The following SEL1L variants were observed in gnomAD, a reference collection of about 807,000 sequenced individuals.
SEL1L encodes the protein SEL1L adaptor subunit of SYVN1 ubiquitin ligase, also known as protein sel-1 homolog 1.
SEL1L carries 52 observed loss-of-function variants against 109.8 expected under a neutral mutation model. That is an observed-to-expected ratio of 0.47 (90% CI 0.38 to 0.60). The LOEUF is 0.60. Ranked by LOEUF, SEL1L falls within the 20% of genes least tolerant of loss-of-function variation. SEL1L has a pLI of 0.00. For synonymous variants in SEL1L, 373 were observed against 339.6 expected (o/e 1.10, Z -1.08); for missense variants, 749 against 962.2 (o/e 0.78, Z 2.93).
At chr14:81,524,276 C>T (rs1419497961) in intron 3 of SEL1L, among the ~76,000 whole-genome samples, 2 of 152,104 alleles carry the variant, frequency 1.3e-5, no homozygotes, top group Non-Finnish European at 2.9e-5. Flanking sequence ...AGGGTGATAC[C>T]ACCTGACCTC....
At chr14:81,488,544 T>C (rs1177488958) in intron 14 of SEL1L, among the ~76,000 whole-genome samples, 1 of 152,150 alleles carries the variant, frequency 6.6e-6, no homozygotes, top group Non-Finnish European at 1.5e-5. Context: ...TAAAAGCACA[T>C]ATTACTTGGA....
In SEL1L at chr14:81,480,856, C is replaced by T. The variant is rs139370839; in HGVS notation, c.2047-1116G>A. 3.5e-3 allele frequency among the ~76,000 whole-genome samples: 533 copies of T among 152,270 alleles called. 2 individuals are homozygous for T. Among genetic ancestry groups the T allele is most frequent in the Middle Eastern group, 0.01 (3 of 294 alleles). On this transcript the variant is annotated intron_variant, in intron 19 of 20. Coordinates refer to ENST00000336735, the MANE Select transcript of SEL1L (RefSeq NM_005065.6). The stretch of plus-strand genomic sequence containing the variant: ...TAGGCCTGTATGCACAGCAACGTTT[C>T]TCTGCTTCGCTTTGCTAAAGGAAGG...
chr14:81,532,551 G>A (rs1394664799), intron 1 of SEL1L, among the ~76,000 whole-genome samples: 1 of 152,196 alleles, frequency 6.6e-6, no homozygotes, highest in East Asian at 1.9e-4. Context: ...TGGCAGTAAA[G>A]TAATTAGCAT....
At chr14:81,490,213 C>T (rs1883484898) in intron 13 of SEL1L, among the ~76,000 whole-genome samples, 175 bp downstream of exon 13, 1 of 152,148 alleles carries the variant, frequency 6.6e-6, no homozygotes, top group Admixed American at 6.5e-5. Flanking sequence ...AAAAAAATTG[C>T]CTTTTATCGG....
In SEL1L at chr14:81,490,424, C is replaced by T. The variant is rs369149715; in HGVS notation, c.1296G>A (p.Glu432=). ...CTTTCTTAAAGTAGTGGAGAGCTGT[C>T]TCATTACTCTGAGGTACAATGTCAC... ...EGSDIVPQSN[E]TALHYFKKAA... Residue 432 remains glutamate (E), a synonymous_variant, in exon 13 of 21, where the codon GAG becomes GAA. Transcript: ENST00000336735. The T allele has an allele frequency of 1.2e-6, 2 of 1,613,920 alleles. No individual in the cohort carries two copies. The highest frequency in any genetic ancestry group is 1.7e-6 in the Non-Finnish European group (2 of 1,179,944).
rs1883685907 is a variant in SEL1L, at chr14:81,495,002, T to C, written c.1185+79A>G. Reference sequence around the variant, plus strand: ...AAATGACAGAAGTTTGATACTGGTATTGACTTAGCAAGAAATACATTGGGA... The same window carrying C: ...AAATGACAGAAGTTTGATACTGGTACTGACTTAGCAAGAAATACATTGGGA... On this transcript the variant is annotated intron_variant, in intron 11 of 20. Transcript: ENST00000336735. The C allele has an allele frequency of 2.2e-5, 30 of 1,393,954 alleles. No homozygotes were observed. In the South Asian group the frequency reaches 3.3e-4, roughly 16 times the overall value. The allele number at this position is 1,393,954 out of a possible 1,614,324, so 86.3% of individuals were successfully genotyped here.
chr14:81,483,562 T>C (rs899397915), intron 19 of SEL1L, among the ~76,000 whole-genome samples: 1 of 152,202 alleles, frequency 6.6e-6, no homozygotes, highest in Non-Finnish European at 1.5e-5. Context: ...GACCTAGCTT[T>C]CAATTAAAAA....
chr14:81,489,115 C>T, intron 14 of SEL1L, 137 bp downstream of exon 14: 1 of 754,918 alleles, frequency 1.3e-6, no homozygotes, highest in Non-Finnish European at 2.3e-6. Flanking sequence ...GAGACAAACT[C>T]AGACAACAGA....
chr14:81,508,955 T>C (rs879385936), intron 3 of SEL1L, among the ~76,000 whole-genome samples: 6 of 152,182 alleles, frequency 3.9e-5, no homozygotes, highest in Admixed American at 3.9e-4. Flanking sequence ...ACAAAAGGTT[T>C]TCATCTACTG....
At chr14:81,510,498 CTCTCTCTCTCTCTCTCTA>C (rs1382393876) in intron 3 of SEL1L, among the ~76,000 whole-genome samples, 30 of 125,628 alleles carry the variant, frequency 2.4e-4, no homozygotes, top group African/African-American at 7.6e-4. Flanking sequence ...CTCTCTCTCT[CTCTCTCTCTCTCTCTCTA>C]TATATATATA....
At chr14:81,516,099 G>A (rs1371716507) in intron 3 of SEL1L, among the ~76,000 whole-genome samples, 2 of 152,188 alleles carry the variant, frequency 1.3e-5, no homozygotes, top group African/African-American at 2.4e-5. Flanking sequence ...ATCACTGGAA[G>A]GTGCACTGCC....
intron 3 of SEL1L, 89 bp downstream of exon 3, chr14:81,526,644 C>G: frequency 1.1e-6 from 1 of 936,052 alleles, no homozygotes; most frequent in Non-Finnish European, 1.7e-6. Context: ...ATCAGTGAAG[C>G]CAGTCTTCTT....
intron 1 of SEL1L, 69 bp downstream of exon 1, chr14:81,533,606 G>A (rs1358748982): frequency 6.7e-7 from 1 of 1,488,226 alleles, no homozygotes; most frequent in Non-Finnish European, 9.2e-7. Flanking sequence ...GAGTCCCCAC[G>A]GCCCCGCCGG....
Position 81,472,492 on chromosome 14 carries a change from A to G in SEL1L, c.*4480T>C, listed in dbSNP as rs1903040368. On this transcript the variant is annotated 3_prime_UTR_variant, in exon 21 of 21. Transcript: ENST00000336735. ...TGTGTACATGTTCACTCTTGATTTAATATTTTTTCATTTCTCCTTTACTCA... is the reference window on the plus strand; with the variant it reads ...TGTGTACATGTTCACTCTTGATTTAGTATTTTTTCATTTCTCCTTTACTCA... 3 of 328,252 alleles carry G rather than the reference A, an allele frequency of 9.1e-6. No homozygotes were observed. The highest frequency in any genetic ancestry group is 4.5e-5 in the Admixed American group (1 of 22,264). 20.3% of individuals were successfully genotyped at this position (328,252 alleles called of 1,614,324 possible). A position where few individuals can be genotyped will look rare whatever the true frequency, so the allele number is the denominator to read the frequency against.
chr14:81,520,790 G>C (rs1884876452), intron 3 of SEL1L, among the ~76,000 whole-genome samples: 1 of 152,146 alleles, frequency 6.6e-6, no homozygotes, highest in Admixed American at 6.5e-5. Flanking sequence ...AAAAACCTGG[G>C]ATGTATGTAG....
At chr14:81,499,216 T>G (rs530948922) in intron 8 of SEL1L, 2 of 1,204,980 alleles carry the variant, frequency 1.7e-6, no homozygotes, top group African/African-American at 3.1e-5. Flanking sequence ...ATCAGATCTC[T>G]CTTTTTAGGG....
At chr14:81,513,196 G>A (rs534891315) in intron 3 of SEL1L, among the ~76,000 whole-genome samples, 88 of 152,320 alleles carry the variant, frequency 5.8e-4, no homozygotes, top group African/African-American at 1.9e-3. Context: ...TCAGCGCTCC[G>A]TAAAATGGAC....
intron 12 of SEL1L, 27 bp downstream of exon 12, chr14:81,492,453 A>T: frequency 6.5e-7 from 1 of 1,537,490 alleles, no homozygotes; most frequent in Non-Finnish European, 9.0e-7. Context: ...TTGCTATTAC[A>T]TAAAACATTC....
intron 3 of SEL1L, among the ~76,000 whole-genome samples, chr14:81,523,642 CA>C (rs1207400406): frequency 6.6e-6 from 1 of 152,078 alleles, no homozygotes; most frequent in Non-Finnish European, 1.5e-5. Context: ...GAAGCACAGA[CA>C]ACCCGGGGCT....
Sources: allele counts gnomAD v4.1 joint callset (sites outside exome capture counted in the v4.1 genomes callset), GRCh38; gene constraint gnomAD v4.1.1; transcripts MANE v1.5; gene names NCBI Gene and HGNC (gene_info 2026-07-23, HGNC 2026-07-21).